The following ATE1 variants were observed in gnomAD, a reference collection of about 807,000 sequenced individuals.
The protein encoded by ATE1 is arginyltransferase 1.
In ATE1, 36 loss-of-function variants were observed where a neutral mutation model predicts 70.5. The ratio of observed to expected loss-of-function variants is 0.51; its 90% CI spans 0.39 to 0.67. ATE1 has a LOEUF of 0.67. Ranked by LOEUF, ATE1 falls within the 30% of genes least tolerant of loss-of-function variation. The pLI is 0.00. For missense variants in ATE1, 593 were observed against 629.5 expected (o/e 0.94, Z 0.62); for synonymous variants, 232 against 219.3 (o/e 1.06, Z -0.51).
At chr10:121,754,687 A>G (rs72836300) in intron 11 of ATE1, among the ~76,000 whole-genome samples, 1,616 of 152,342 alleles carry the variant, frequency 0.011, 14 homozygotes, top group Middle Eastern at 0.024. Flanking sequence ...ACCAGTAGAT[A>G]TAAGTCTGAC....
chr10:121,863,206 T>C (rs902359258), intron 8 of ATE1, among the ~76,000 whole-genome samples: 1 of 151,970 alleles, frequency 6.6e-6, no homozygotes, highest in Non-Finnish European at 1.5e-5. Context: ...GACCTTTTTA[T>C]TGTTATGAAA....
chr10:121,832,525 G>A (rs1485835087), intron 10 of ATE1, among the ~76,000 whole-genome samples: 1 of 147,942 alleles, frequency 6.8e-6, no homozygotes, highest in African/African-American at 2.7e-5. Context: ...TCTGAATCAA[G>A]GGGGTGGTTC....
intron 10 of ATE1, among the ~76,000 whole-genome samples, chr10:121,798,423 T>A (rs903267358): frequency 6.6e-6 from 1 of 152,222 alleles, no homozygotes; most frequent in Non-Finnish European, 1.5e-5. Flanking sequence ...AATTTTCACT[T>A]TAAAAAAGAG....
At chr10:121,793,295 T>C (rs1590316567) in intron 10 of ATE1, among the ~76,000 whole-genome samples, 2 of 152,220 alleles carry the variant, frequency 1.3e-5, no homozygotes, top group East Asian at 1.9e-4. Context: ...TTGGACTAAT[T>C]AGAACTTACA....
intron 11 of ATE1, among the ~76,000 whole-genome samples, chr10:121,746,395 G>A (rs1944373093): frequency 6.6e-6 from 1 of 151,882 alleles, no homozygotes; most frequent in Non-Finnish European, 1.5e-5. Context: ...TTTCACGCTG[G>A]GACACACACA....
intron 11 of ATE1, among the ~76,000 whole-genome samples, chr10:121,777,949 AT>A (rs1421804258): frequency 6.6e-6 from 1 of 152,266 alleles, no homozygotes; most frequent in Non-Finnish European, 1.5e-5. Context: ...CTCCTTAAAA[AT>A]AATTGCTAAA....
intron 8 of ATE1, among the ~76,000 whole-genome samples, chr10:121,865,611 C>T (rs750874106): frequency 6.6e-6 from 1 of 152,136 alleles, no homozygotes; most frequent in Non-Finnish European, 1.5e-5. Context: ...CCGGTGTAAG[C>T]CTAGCAGGGG....
At chr10:121,745,445 A>T (rs143531707) in intron 11 of ATE1, among the ~76,000 whole-genome samples, 5 of 152,184 alleles carry the variant, frequency 3.3e-5, no homozygotes, top group Non-Finnish European at 2.9e-5. Context: ...GGCGGGGTGC[A>T]GTGGCTCACG....
In ATE1 at chr10:121,850,376, C is replaced by T. The variant is rs373782510; in HGVS notation, c.976-9113G>A. On this transcript the variant is annotated intron_variant, in intron 8 of 11. Coordinates refer to ENST00000224652, the MANE Select transcript of ATE1 (RefSeq NM_001001976.3). ...CTAGGTCCAAAAGAGCTATGTCTTA[C>T]AACAGTCCCTTAACTTAGCTTTCCA... Among the ~76,000 whole-genome samples the T allele has an allele frequency of 7.2e-5, 11 of 152,302 alleles. No individual in the cohort carries two copies. In the East Asian group the frequency reaches 1.4e-3, roughly 19 times the overall value.
intron 7 of ATE1, among the ~76,000 whole-genome samples, chr10:121,878,393 G>T (rs1287745069): frequency 1.3e-5 from 2 of 152,006 alleles, no homozygotes; most frequent in African/African-American, 4.8e-5. Flanking sequence ...AGGAGTTCGA[G>T]ACCAGCCTGG....
At position 121,927,840 on chromosome 10, in the gene ATE1, T is replaced by A; in HGVS notation, c.106+4A>T. 1 of 1,562,940 alleles carries A rather than the reference T, an allele frequency of 6.4e-7. No homozygotes were observed. The highest frequency in any genetic ancestry group is 1.4e-5 in the African/African-American group (1 of 70,026). On this transcript the variant is annotated splice_donor_region_variant and intron_variant, in intron 1 of 11. Coordinates refer to ENST00000224652, the MANE Select transcript of ATE1 (RefSeq NM_001001976.3). Reference sequence around the variant, plus strand: ...TCCCACGCCCGCCGGCCCGGCTCGCTCACCATTGGAGCGGCTGCCCGACTC... The same window carrying A: ...TCCCACGCCCGCCGGCCCGGCTCGCACACCATTGGAGCGGCTGCCCGACTC...
chr10:121,914,765 T>C (rs1213810008), intron 3 of ATE1, among the ~76,000 whole-genome samples: 3 of 152,250 alleles, frequency 2.0e-5, no homozygotes, highest in East Asian at 1.9e-4. Flanking sequence ...ACAGGATGGA[T>C]GCAAGCCACA....
At chr10:121,895,042 A>G (rs896082382) in intron 7 of ATE1, among the ~76,000 whole-genome samples, 2 of 152,202 alleles carry the variant, frequency 1.3e-5, no homozygotes, top group African/African-American at 4.8e-5. Context: ...ACATGCTACA[A>G]GTAATATAAA....
intron 11 of ATE1, 56 bp from the exon 12 acceptor site, chr10:121,743,914 TC>T (rs1944235318): frequency 4.3e-6 from 6 of 1,394,798 alleles, no homozygotes; most frequent in East Asian, 2.5e-5. Flanking sequence ...ACTTTTTGTT[TC>T]CTTTTTTTTT....
intron 3 of ATE1, among the ~76,000 whole-genome samples, chr10:121,920,365 C>G (rs970110941): frequency 6.6e-6 from 1 of 151,310 alleles, no homozygotes; most frequent in African/African-American, 2.4e-5. Context: ...GACCCCTTTT[C>G]TATAAAAAAA....
At chr10:121,857,756 C>T (rs971124552) in intron 8 of ATE1, among the ~76,000 whole-genome samples, 1 of 152,172 alleles carries the variant, frequency 6.6e-6, no homozygotes, top group African/African-American at 2.4e-5. Context: ...AGTACATTCA[C>T]ATTATCATGT....
At position 121,817,283 on chromosome 10, in the gene ATE1, G is replaced by A. The variant is rs555775321; in HGVS notation, c.1257+19435C>T. Among the ~76,000 whole-genome samples the A allele has an allele frequency of 5.6e-3, 851 of 152,346 alleles. 6 individuals are homozygous for A. Among genetic ancestry groups the A allele is most frequent in the African/African-American group, 0.02 (824 of 41,574 alleles). Reference sequence around the variant, plus strand: ...AGGCCGGGCACAGCGGCTCACGCCTGTAATCCCAGTACTTTGGGAGGCCAA... The same window carrying A: ...AGGCCGGGCACAGCGGCTCACGCCTATAATCCCAGTACTTTGGGAGGCCAA... On this transcript the variant is annotated intron_variant, in intron 10 of 11. Coordinates refer to ENST00000224652, the MANE Select transcript of ATE1 (RefSeq NM_001001976.3).
chr10:121,756,464 G>A (rs1373674394), intron 11 of ATE1, among the ~76,000 whole-genome samples: 1 of 152,216 alleles, frequency 6.6e-6, no homozygotes, highest in Non-Finnish European at 1.5e-5. Context: ...GACTCTGTGG[G>A]AGGGCTCCAA....
intron 7 of ATE1, among the ~76,000 whole-genome samples, chr10:121,892,935 G>A (rs773578258): frequency 2.0e-5 from 3 of 152,200 alleles, no homozygotes; most frequent in Non-Finnish European, 4.4e-5. Context: ...GACATCAGAG[G>A]CTTCTCATAA....
Sources: allele counts gnomAD v4.1 joint callset (sites outside exome capture counted in the v4.1 genomes callset), GRCh38; gene constraint gnomAD v4.1.1; transcripts MANE v1.5; gene names NCBI Gene and HGNC (gene_info 2026-07-23, HGNC 2026-07-21).